NHERF4: variants seen among roughly 807,000 people sequenced by gnomAD.
NHERF4 encodes the protein Na(+)/H(+) exchange regulatory cofactor NHE-RF4.
chr11:119,188,680 C>T, the NHERF4 span: 4 of 1,614,042 alleles, frequency 2.5e-6, no homozygotes, highest in East Asian at 2.2e-5. Context: ...AACACAGAGG[C>T]TCCCGCCTCG....
the NHERF4 span, chr11:119,186,515 T>G: frequency 6.2e-7 from 1 of 1,614,190 alleles, no homozygotes; most frequent in African/African-American, 1.3e-5. This position sits in a 1 kb window ranked among gnomAD's most constrained non-coding sequence, Gnocchi z 4.4. Context: ...TTCTGTTTAC[T>G]GAGCAAAGAG....
At chr11:119,185,774 G>C in the NHERF4 span, 1 of 1,018,182 alleles carries the variant, frequency 9.8e-7, no homozygotes, top group Non-Finnish European at 1.5e-6. Context: ...GTATGGCAGT[G>C]AGAAGAGAAG....
At chr11:119,187,119 G>A in the NHERF4 span, 117 of 629,334 alleles carry the variant, frequency 1.9e-4, no homozygotes, top group Admixed American at 2.4e-3. Flanking sequence ...CAACCTGGGC[G>A]ACAAGAGCAA....
the NHERF4 span, chr11:119,186,779 A>G: frequency 3.2e-6 from 4 of 1,263,460 alleles, no homozygotes; most frequent in South Asian, 3.1e-5. This position sits in a 1 kb window ranked among gnomAD's most constrained non-coding sequence, Gnocchi z 4.4. Context: ...GCAGGGCACA[A>G]GCCTCACTCC....
chr11:119,188,690 G>A, the NHERF4 span: 19 of 1,613,984 alleles, frequency 1.2e-5, no homozygotes, highest in Middle Eastern at 1.6e-4. Context: ...CTCCCGCCTC[G>A]CCCCGGGGCA....
At chr11:119,189,796 C>A in the NHERF4 span, 1 of 489,360 alleles carries the variant, frequency 2.0e-6, no homozygotes, top group Non-Finnish European at 3.7e-6. The surrounding 1 kb of genome is among the most constrained non-coding windows in gnomAD (Gnocchi z 5.8). Context: ...TTGAAGCCAT[C>A]TGGACCTTTT....
At chr11:119,185,787 C>T in the NHERF4 span, 2 of 1,135,626 alleles carry the variant, frequency 1.8e-6, no homozygotes, top group South Asian at 2.6e-5. Flanking sequence ...AAGAGAAGAC[C>T]CCTTTGGAGC....
At chr11:119,188,045 T>C in the NHERF4 span, 7 of 1,554,860 alleles carry the variant, frequency 4.5e-6, no homozygotes, top group Non-Finnish European at 6.1e-6. Context: ...GGCAGAGGGC[T>C]GGGCACTGCC....
the NHERF4 span, chr11:119,188,272 G>T: frequency 2.5e-6 from 4 of 1,581,124 alleles, no homozygotes; most frequent in East Asian, 9.0e-5. Flanking sequence ...GCCTCTTCCC[G>T]TTCACTCTGG....
the NHERF4 span, among the ~76,000 whole-genome samples, chr11:119,186,850 C>T: frequency 6.6e-6 from 1 of 152,086 alleles, no homozygotes; most frequent in Non-Finnish European, 1.5e-5. This position sits in a 1 kb window ranked among gnomAD's most constrained non-coding sequence, Gnocchi z 4.4. Flanking sequence ...TCTAGAAAGC[C>T]GATTCCCGCT....
At chr11:119,189,657 C>A in the NHERF4 span, 1 of 746,850 alleles carries the variant, frequency 1.3e-6, no homozygotes, top group Non-Finnish European at 2.3e-6. This position sits in a 1 kb window ranked among gnomAD's most constrained non-coding sequence, Gnocchi z 5.8. Flanking sequence ...GGCCCACCTG[C>A]CAGCAGAGGG....
chr11:119,187,300 C>G, the NHERF4 span: 1 of 1,609,868 alleles, frequency 6.2e-7, no homozygotes, highest in Non-Finnish European at 8.5e-7. Context: ...CAGCAGCCCT[C>G]GGGTGTTGCT....
chr11:119,189,720 T>G, the NHERF4 span: 1 of 587,322 alleles, frequency 1.7e-6, no homozygotes, highest in Non-Finnish European at 3.1e-6. The surrounding 1 kb of genome is among the most constrained non-coding windows in gnomAD (Gnocchi z 5.8). Context: ...CTCCAGAGGA[T>G]GTCATATGGG....
chr11:119,186,600 A>G, the NHERF4 span: 1 of 1,614,064 alleles, frequency 6.2e-7, no homozygotes, highest in Non-Finnish European at 8.5e-7. The surrounding 1 kb of genome is among the most constrained non-coding windows in gnomAD (Gnocchi z 4.4). Flanking sequence ...GGGTGGACCC[A>G]GGCACCTCTG....
the NHERF4 span, chr11:119,189,876 G>T: frequency 2.9e-6 from 1 of 350,816 alleles, no homozygotes; most frequent in Non-Finnish European, 5.3e-6. The surrounding 1 kb of genome is among the most constrained non-coding windows in gnomAD (Gnocchi z 5.8). Flanking sequence ...GCCCTCTGTG[G>T]GTGCCTTAGC....
At chr11:119,187,738 G>A in the NHERF4 span, 33 of 1,473,204 alleles carry the variant, frequency 2.2e-5, no homozygotes, top group Admixed American at 2.4e-4. Context: ...CCCCCAATCC[G>A]GGCCTGGGCC....
At chr11:119,186,792 C>T in the NHERF4 span, 7 of 1,169,738 alleles carry the variant, frequency 6.0e-6, no homozygotes, top group African/African-American at 3.1e-5. The surrounding 1 kb of genome is among the most constrained non-coding windows in gnomAD (Gnocchi z 4.4). Context: ...CTCACTCCCC[C>T]ACACCCCAGG....
At chr11:119,189,583 C>T in the NHERF4 span, 1 of 1,431,506 alleles carries the variant, frequency 7.0e-7, no homozygotes, top group South Asian at 1.1e-5. The surrounding 1 kb of genome is among the most constrained non-coding windows in gnomAD (Gnocchi z 5.8). Flanking sequence ...CTCTCTAAGC[C>T]AGACCAGAGG....
the NHERF4 span, chr11:119,186,675 C>T: frequency 2.1e-5 from 33 of 1,606,594 alleles, no homozygotes; most frequent in Admixed American, 1.8e-4. This position sits in a 1 kb window ranked among gnomAD's most constrained non-coding sequence, Gnocchi z 4.4. Context: ...TTGTGGAACA[C>T]GAAGACTATG....
Sources: gnomAD v4.1 joint callset for allele counts (sites outside exome capture counted in the v4.1 genomes callset) on GRCh38, gnomAD v4.1.1 for gene constraint, Gnocchi (gnomAD v3.1) non-coding constraint, MANE v1.5 for transcripts, NCBI Gene and HGNC (gene_info 2026-07-23, HGNC 2026-07-21) for gene names.